Variants in ACSL1 observed in about 807,000 individuals in gnomAD.
The protein encoded by ACSL1 is acyl-CoA synthetase long chain family member 1, also known as long-chain-fatty-acid--CoA ligase 1.
A neutral mutation model predicts 98.4 loss-of-function variants in ACSL1; 41 were observed. The observed-to-expected ratio is 0.42, with a 90% CI of 0.32 to 0.54. ACSL1 has a LOEUF of 0.54. Ranked by LOEUF, ACSL1 falls within the 20% of genes least tolerant of loss-of-function variation. The pLI, the probability that ACSL1 is intolerant of heterozygous loss-of-function variation, is 0.13. For missense variants in ACSL1, 734 were observed against 883.1 expected (o/e 0.83, Z 2.14); for synonymous variants, 316 against 322.7 (o/e 0.98, Z 0.22).
intron 10 of ACSL1, among the ~76,000 whole-genome samples, chr4:184,770,934 G>A (rs900665794): frequency 2.0e-5 from 3 of 152,242 alleles, no homozygotes; most frequent in East Asian, 1.9e-4. Flanking sequence ...GACCAGCCTG[G>A]CCAACATGGT....
At chr4:184,784,254 G>C (rs920676323) in intron 3 of ACSL1, among the ~76,000 whole-genome samples, 3 of 152,144 alleles carry the variant, frequency 2.0e-5, no homozygotes, top group Non-Finnish European at 1.5e-5. Context: ...ACTCTTAAGG[G>C]CACTTAATTT....
intron 14 of ACSL1, 115 bp from the exon 15 acceptor site, chr4:184,765,040 C>G (rs1561177961): frequency 9.7e-7 from 1 of 1,026,632 alleles, no homozygotes; most frequent in East Asian, 2.7e-5. Flanking sequence ...GGTGAAATCT[C>G]ATTTCAAATG....
Position 184,756,945 on chromosome 4 carries a change from G to C in ACSL1, c.*180C>G. 7.5e-6 allele frequency: 5 copies of C among 664,392 alleles called. No individual in the cohort carries two copies. The highest frequency in any genetic ancestry group is 1.2e-5 in the Non-Finnish European group (5 of 421,960). 41.2% of individuals were successfully genotyped at this position (664,392 alleles called of 1,614,324 possible). A position where few individuals can be genotyped will look rare whatever the true frequency, so the allele number is the denominator to read the frequency against. ...ATAAACATGGTCTGCAACATGAGGT[G>C]ACTGTAAGGCAGTGTTCTCTTTCCT... On this transcript the variant is annotated 3_prime_UTR_variant, in exon 21 of 21. Transcript: ENST00000281455.
chr4:184,764,850 T>A lies in ACSL1; in HGVS notation c.1432+3A>T. ...TCCAAAAAGGAGCCTCCTACAGCCA[T>A]ACCTGCGGTCCAGTCTCCAGGCATG... On this transcript the variant is annotated splice_donor_region_variant and intron_variant, in intron 15 of 20. Coordinates refer to ENST00000281455, the MANE Select transcript of ACSL1 (RefSeq NM_001995.5). 6.2e-7 allele frequency: 1 copy of A among 1,612,986 alleles called. No homozygotes were observed. Among genetic ancestry groups the A allele is most frequent in the Non-Finnish European group, 8.5e-7 (1 of 1,179,524 alleles).
At chr4:184,780,868 T>C (rs1766129574) in intron 4 of ACSL1, among the ~76,000 whole-genome samples, 1 of 152,204 alleles carries the variant, frequency 6.6e-6, no homozygotes, top group South Asian at 2.1e-4. Flanking sequence ...AGCAAGCTCT[T>C]ATCCTTAAGT....
In ACSL1 at chr4:184,770,178, A is replaced by C. The variant is rs1015943858; in HGVS notation, c.993+221T>G. 9 of 1,287,360 alleles carry C rather than the reference A, an allele frequency of 7.0e-6. No individual in the cohort carries two copies. In the African/African-American group the frequency reaches 1.2e-4, roughly 17 times the overall value. The allele number at this position is 1,287,360 out of a possible 1,614,324, so 79.7% of individuals were successfully genotyped here. On this transcript the variant is annotated intron_variant, in intron 11 of 20. Coordinates refer to ENST00000281455, the MANE Select transcript of ACSL1 (RefSeq NM_001995.5). ...CAGAAAAAGAATTTATATTCTTTCA[A>C]ATAATCTGCACCATTTCTAAAACGG...
chr4:184,785,419 T>C (rs1379177526), intron 3 of ACSL1, among the ~76,000 whole-genome samples: 1 of 152,184 alleles, frequency 6.6e-6, no homozygotes, highest in Admixed American at 6.5e-5. Context: ...GCTCAATCTT[T>C]ATAAATGGCT....
rs1447984429 is a variant in ACSL1 at position 184,756,314 on chromosome 4, T to C, written c.*811A>G. On this transcript the variant is annotated 3_prime_UTR_variant, in exon 21 of 21. Coordinates refer to ENST00000281455, the MANE Select transcript of ACSL1 (RefSeq NM_001995.5). ...TCCAGGTAACTCTTTCTTGAAATGC[T>C]TGTCTTCACTATAGAATCTAAGGCA... is the stretch of plus-strand genomic sequence containing the variant. The C allele has an allele frequency of 1.3e-5, 2 of 152,670 alleles. No individual in the cohort carries two copies. The highest frequency in any genetic ancestry group is 1.9e-4 in the East Asian group (1 of 5,192). The allele number at this position is 152,670 out of a possible 1,614,324, so 9.5% of individuals were successfully genotyped here.
intron 18 of ACSL1, among the ~76,000 whole-genome samples, chr4:184,759,853 C>T (rs544896764): frequency 2.0e-5 from 3 of 152,320 alleles, no homozygotes; most frequent in South Asian, 2.1e-4. Flanking sequence ...AAACCAGATC[C>T]TCTCTTCCTT....
Position 184,756,810 on chromosome 4 carries a change from C to T in ACSL1, c.*315G>A, listed in dbSNP as rs997689689. 2.3e-5 allele frequency: 5 copies of T among 212,876 alleles called. No individual in the cohort carries two copies. In the East Asian group the frequency reaches 5.2e-4, roughly 22 times the overall value. 13.2% of individuals were successfully genotyped at this position (212,876 alleles called of 1,614,324 possible). A position where few individuals can be genotyped will look rare whatever the true frequency, so the allele number is the denominator to read the frequency against. ...CCCCTTGATTAGAGAAACAGGGAGACAGAAGATTTAAAACCCACTTTTTAA... is the reference window on the plus strand; with the variant it reads ...CCCCTTGATTAGAGAAACAGGGAGATAGAAGATTTAAAACCCACTTTTTAA... On this transcript the variant is annotated 3_prime_UTR_variant, in exon 21 of 21. Transcript: ENST00000281455.
chr4:184,780,208 G>C, intron 5 of ACSL1, 124 bp downstream of exon 5: 2 of 829,018 alleles, frequency 2.4e-6, no homozygotes, highest in Non-Finnish European at 3.8e-6. Flanking sequence ...AACTTTCTAA[G>C]GTGTAACGTA....
At chr4:184,779,088 T>C (rs1270213877) in intron 5 of ACSL1, among the ~76,000 whole-genome samples, 1 of 152,214 alleles carries the variant, frequency 6.6e-6, no homozygotes. Context: ...AGTCATACCA[T>C]AAGCAATACT....
rs1339689707 is a variant in ACSL1 at position 184,788,748 on chromosome 4, G to C, written c.196-17C>G. 2.5e-6 allele frequency: 4 copies of C among 1,608,114 alleles called. No individual in the cohort carries two copies. In the African/African-American group the frequency reaches 5.4e-5, roughly 22 times the overall value. On this transcript the variant is annotated splice_polypyrimidine_tract_variant and intron_variant, in intron 2 of 20. Coordinates refer to ENST00000281455, the MANE Select transcript of ACSL1 (RefSeq NM_001995.5). ...ACCACTACCCTATCAAAAAAGAAAG[G>C]GGGGCAGGTTAGAAGGCAGTGAAAC...
intron 12 of ACSL1, among the ~76,000 whole-genome samples, chr4:184,767,283 CA>C (rs59005386): frequency 0.17 from 16,353 of 95,440 alleles, 959 homozygotes; most frequent in Non-Finnish European, 0.22. Flanking sequence ...GACCCTGTCT[CA>C]AAAAAAAAAA....
At chr4:184,787,524 A>G (rs1767594234) in intron 3 of ACSL1, among the ~76,000 whole-genome samples, 1 of 152,192 alleles carries the variant, frequency 6.6e-6, no homozygotes, top group African/African-American at 2.4e-5. Context: ...TAAAGAATAC[A>G]TCAAGCACCC....
At chr4:184,805,592 G>T in intron 1 of ACSL1, 2 of 890,882 alleles carry the variant, frequency 2.2e-6, no homozygotes, top group Non-Finnish European at 1.3e-6. Context: ...AGGGCAATGA[G>T]CCTGGAAGTG....
At position 184,768,313 on chromosome 4, in the gene ACSL1, T is replaced by A; in HGVS notation, c.1128+3A>T. 1 of 1,611,398 alleles carries A rather than the reference T, an allele frequency of 6.2e-7. No individual in the cohort carries two copies. Among genetic ancestry groups the A allele is most frequent in the Non-Finnish European group, 8.5e-7 (1 of 1,179,396 alleles). ...TCCTGGGACTTCGCTGCTTGGAACTTACTCGGTCAAACATCCGGTTCAGCA... is the reference window on the plus strand; with the variant it reads ...TCCTGGGACTTCGCTGCTTGGAACTAACTCGGTCAAACATCCGGTTCAGCA... On this transcript the variant is annotated splice_donor_region_variant and intron_variant, in intron 12 of 20. Coordinates refer to ENST00000281455, the MANE Select transcript of ACSL1 (RefSeq NM_001995.5).
intron 1 of ACSL1, among the ~76,000 whole-genome samples, chr4:184,809,664 C>T (rs893549244): frequency 9.2e-5 from 14 of 151,912 alleles, no homozygotes; most frequent in African/African-American, 1.5e-4. Flanking sequence ...GGCGTGGTGG[C>T]AGGCGCCTGT....
At position 184,756,227 on chromosome 4, in the gene ACSL1, G is replaced by A. The variant is rs1309175675; in HGVS notation, c.*898C>T. On this transcript the variant is annotated 3_prime_UTR_variant, in exon 21 of 21. Coordinates refer to ENST00000281455, the MANE Select transcript of ACSL1 (RefSeq NM_001995.5). ...AAAAATCTGTTGGCCTTTACACAGA[G>A]TGAGTGGTTCAGTGAAGATAAAGTA... 1 of 152,638 alleles carries A rather than the reference G, an allele frequency of 6.6e-6. No homozygotes were observed. Among genetic ancestry groups the A allele is most frequent in the Non-Finnish European group, 1.5e-5 (1 of 68,048 alleles). 9.5% of individuals were successfully genotyped at this position (152,638 alleles called of 1,614,324 possible).
Sources: allele counts gnomAD v4.1 joint callset (sites outside exome capture counted in the v4.1 genomes callset), GRCh38; gene constraint gnomAD v4.1.1; transcripts MANE v1.5; gene names NCBI Gene and HGNC (gene_info 2026-07-23, HGNC 2026-07-21).